The following PRKCH variants were observed in gnomAD, a reference collection of about 807,000 sequenced individuals.
PRKCH encodes protein kinase C eta, also known as protein kinase C eta type.
PRKCH carries 28 observed loss-of-function variants against 82.5 expected under a neutral mutation model. The ratio of observed to expected loss-of-function variants is 0.34; its 90% confidence interval spans 0.25 to 0.47. PRKCH has a LOEUF of 0.47. Ranked by LOEUF, PRKCH falls within the 20% of genes least tolerant of loss-of-function variation. The pLI, the probability that PRKCH is intolerant of heterozygous loss-of-function variation, is 1.00. For missense variants in PRKCH, 705 were observed against 881.8 expected (o/e 0.80, Z 2.54); for synonymous variants, 322 against 327.4 (o/e 0.98, Z 0.18).
chr14:61,306,151 T>C (rs2045484127), intron 1 of PRKCH: 1 of 152,248 alleles, frequency 6.6e-6, no homozygotes, highest in Non-Finnish European at 1.5e-5. Flanking sequence ...AGAATTTCAA[T>C]TGAATGGATG....
intron 12 of PRKCH, chr14:61,545,001 T>G (rs534674382): frequency 6.6e-6 from 1 of 152,364 alleles, no homozygotes; most frequent in Admixed American, 6.5e-5. Flanking sequence ...CTCTAACTGC[T>G]CACCACCAGG....
At chr14:61,502,082 T>C (rs1270415524) in intron 10 of PRKCH, among the ~76,000 whole-genome samples, 2 of 19,800 alleles carry the variant, frequency 1.0e-4, no homozygotes, top group Admixed American at 4.1e-4. Context: ...TTTTTTTTTT[T>C]CCGAGATGGA....
At chr14:61,547,947 A>C in intron 13 of PRKCH, 61 bp downstream of exon 13, 1 of 1,573,294 alleles carries the variant, frequency 6.4e-7, no homozygotes, top group Non-Finnish European at 8.7e-7. Context: ...CATTCCACCA[A>C]AGTCCGTAGA....
rs1794265214 is a variant in PRKCH at position 61,492,400 on chromosome 14, A to C, written c.1433+6744A>C. The C allele has an allele frequency of 2.6e-5, 4 of 152,228 alleles. No individual in the cohort carries two copies. In the South Asian group the frequency reaches 8.3e-4, roughly 31 times the overall value. The allele number at this position is 152,228 out of a possible 1,614,324, so 9.4% of individuals were successfully genotyped here. Reference sequence around the variant, plus strand: ...CCAGAGGAGACCTCAAACGTTGCTAAGGGCCAAGTTATCTTTTACAGATGA... The same window carrying C: ...CCAGAGGAGACCTCAAACGTTGCTACGGGCCAAGTTATCTTTTACAGATGA... On this transcript the variant is annotated intron_variant, in intron 10 of 13. Transcript: ENST00000332981.
intron 10 of PRKCH, among the ~76,000 whole-genome samples, chr14:61,499,022 G>A (rs1019335317): frequency 2.6e-5 from 4 of 152,126 alleles, no homozygotes; most frequent in East Asian, 1.9e-4. Flanking sequence ...AGACAGGCAC[G>A]AGAGAATAAC....
At chr14:61,298,169 C>G (rs551504409) in intron 1 of PRKCH, 3 of 152,550 alleles carry the variant, frequency 2.0e-5, no homozygotes, top group South Asian at 4.1e-4. Flanking sequence ...CTTGTGTCCT[C>G]TCCTTCTACA....
At chr14:61,434,759 T>A (rs1031595434) in intron 2 of PRKCH, among the ~76,000 whole-genome samples, 1 of 152,176 alleles carries the variant, frequency 6.6e-6, no homozygotes, top group African/African-American at 2.4e-5. Context: ...GAGTGGCTCA[T>A]GCCTGTAATC....
chr14:61,200,862 G>T (rs1019407340), intron 1 of PRKCH, among the ~76,000 whole-genome samples: 6 of 152,050 alleles, frequency 3.9e-5, no homozygotes, highest in Admixed American at 3.3e-4. Flanking sequence ...AGAAAACATA[G>T]TAAATGTAGG....
intron 1 of PRKCH, among the ~76,000 whole-genome samples, chr14:61,193,922 G>C (rs1330444405): frequency 1.3e-5 from 2 of 152,108 alleles, no homozygotes; most frequent in Non-Finnish European, 2.9e-5. Context: ...GCTTTCCCAG[G>C]CTGGCTTTTC....
chr14:61,280,135 A>G lies in PRKCH; in HGVS notation c.-19+92467A>G. The G allele has an allele frequency of 6.2e-7, 1 of 1,613,922 alleles. No homozygotes were observed. The highest frequency in any genetic ancestry group is 8.5e-7 in the Non-Finnish European group (1 of 1,179,912). On this transcript the variant is annotated intron_variant, in intron 1 of 3. Coordinates refer to the PRKCH transcript ENST00000555185. The surrounding 1 kb of genome is among the most constrained non-coding windows in gnomAD (Gnocchi z 5.0). ...GTCCTGGTCCTGGTAGCGAATGTAG[A>G]CGACCAGCATGACAAAGCCGGTGAG... is the stretch of plus-strand genomic sequence containing the variant.
chr14:61,478,600 G>T (rs369476140), intron 9 of PRKCH, among the ~76,000 whole-genome samples: 1 of 152,248 alleles, frequency 6.6e-6, no homozygotes, highest in East Asian at 1.9e-4. Context: ...GCCATGCATG[G>T]TTGCTCACGC....
chr14:61,399,217 A>G (rs1881463231), intron 2 of PRKCH, among the ~76,000 whole-genome samples: 1 of 152,232 alleles, frequency 6.6e-6, no homozygotes, highest in Non-Finnish European at 1.5e-5. Flanking sequence ...GGTTTATTAT[A>G]GTATTCTACT....
At chr14:61,225,389 A>G (rs956741228) in intron 1 of PRKCH, among the ~76,000 whole-genome samples, 2 of 152,156 alleles carry the variant, frequency 1.3e-5, no homozygotes, top group East Asian at 1.9e-4. Context: ...AGGGGAGATG[A>G]CAGTGTGAGG....
intron 1 of PRKCH, among the ~76,000 whole-genome samples, chr14:61,258,076 T>A (rs1665711062): frequency 6.6e-6 from 1 of 152,164 alleles, no homozygotes; most frequent in South Asian, 2.1e-4. Flanking sequence ...AGCCACCTAA[T>A]TAATTTTCAA....
chr14:61,455,664 G>T (rs1285872718), intron 7 of PRKCH, among the ~76,000 whole-genome samples: 1 of 152,186 alleles, frequency 6.6e-6, no homozygotes, highest in African/African-American at 2.4e-5. Context: ...TAGGAATAAA[G>T]ATCATGCAGC....
At chr14:61,231,905 G>T (rs149209151) in intron 1 of PRKCH, among the ~76,000 whole-genome samples, 107 of 152,212 alleles carry the variant, frequency 7.0e-4, no homozygotes, top group African/African-American at 2.6e-3. Flanking sequence ...AACACCAGCT[G>T]TGTTTCCCCA....
At chr14:61,305,966 T>A (rs955529258) in intron 1 of PRKCH, 1 of 152,238 alleles carries the variant, frequency 6.6e-6, no homozygotes, top group Admixed American at 6.5e-5. Flanking sequence ...TTCTTTTAAA[T>A]GGTGTTGAGG....
upstream of PRKCH, among the ~76,000 whole-genome samples, chr14:61,318,193 C>G (rs566830396): frequency 1.3e-5 from 2 of 152,114 alleles, no homozygotes; most frequent in East Asian, 3.9e-4. Context: ...CCTGCCTCAG[C>G]ATCCGAGTAG....
At chr14:61,420,877 T>C (rs920925244) in intron 2 of PRKCH, among the ~76,000 whole-genome samples, 10 of 152,152 alleles carry the variant, frequency 6.6e-5, no homozygotes, top group African/African-American at 1.9e-4. Context: ...GCCACTGCCA[T>C]GGGCTGGAGG....
Sources: allele counts gnomAD v4.1 joint callset (sites outside exome capture counted in the v4.1 genomes callset), GRCh38; gene constraint gnomAD v4.1.1; non-coding constraint Gnocchi (gnomAD v3.1); transcripts MANE v1.5; gene names NCBI Gene and HGNC (gene_info 2026-07-23, HGNC 2026-07-21).